AGBL4: variants seen among roughly 807,000 people sequenced by gnomAD.
The protein encoded by AGBL4 is cytosolic carboxypeptidase 6.
In AGBL4, 58 loss-of-function variants were observed where a neutral mutation model predicts 66.4. The ratio of observed to expected loss-of-function variants is 0.87; its 90% CI spans 0.71 to 1.09. The LOEUF is 1.09. AGBL4 is among the 50% of genes least tolerant of loss of function. The probability of loss-of-function intolerance (pLI) is 0.00; values close to 1 mark genes in which losing one functional copy is unlikely to be tolerated. For synonymous variants in AGBL4, 234 were observed against 222.9 expected (o/e 1.05, Z -0.44); for missense variants, 579 against 631.0 (o/e 0.92, Z 0.88).
chr1:49,533,264 A>G (rs565776081), intron 3 of AGBL4, among the ~76,000 whole-genome samples: 34 of 152,204 alleles, frequency 2.2e-4, no homozygotes, highest in African/African-American at 8.2e-4. Flanking sequence ...GACTTCCACT[A>G]TGCCCTCTGA....
At chr1:48,795,571 A>C (rs548808021) in intron 6 of AGBL4, among the ~76,000 whole-genome samples, 1 of 152,354 alleles carries the variant, frequency 6.6e-6, no homozygotes, top group South Asian at 2.1e-4. Flanking sequence ...CAGAAAGTTG[A>C]CATTGTTATA....
chr1:49,923,258 AG>A (rs1283598189), intron 1 of AGBL4, among the ~76,000 whole-genome samples: 1 of 152,240 alleles, frequency 6.6e-6, no homozygotes, highest in East Asian at 1.9e-4. Context: ...ATAACTGGTT[AG>A]CCATATGCAG....
chr1:49,215,701 G>T (rs2148265593), intron 4 of AGBL4, among the ~76,000 whole-genome samples: 1 of 152,106 alleles, frequency 6.6e-6, no homozygotes, highest in East Asian at 1.9e-4. Flanking sequence ...AATATGCTGG[G>T]TTACAATTCC....
chr1:49,634,748 T>G (rs1404592848), intron 3 of AGBL4, among the ~76,000 whole-genome samples: 1 of 152,312 alleles, frequency 6.6e-6, no homozygotes, highest in Non-Finnish European at 1.5e-5. Flanking sequence ...TTTTTAATGA[T>G]TGCCATTCTA....
intron 7 of AGBL4, among the ~76,000 whole-genome samples, chr1:48,661,252 G>C (rs1344169089): frequency 1.3e-5 from 2 of 152,210 alleles, no homozygotes; most frequent in African/African-American, 2.4e-5. Context: ...GTGGGCCAGG[G>C]AGGCCCACAG....
At chr1:49,492,076 CTTG>C (rs1311600429) in intron 3 of AGBL4, among the ~76,000 whole-genome samples, 1 of 151,856 alleles carries the variant, frequency 6.6e-6, no homozygotes, top group African/African-American at 2.4e-5. Flanking sequence ...TCTCACATTT[CTTG>C]TTATGATGTG....
chr1:48,524,508 C>T, the AGBL4 span, among the ~76,000 whole-genome samples: 1 of 152,134 alleles, frequency 6.6e-6, no homozygotes, highest in Non-Finnish European at 1.5e-5. Flanking sequence ...GCCCTGACAT[C>T]GTGCTGAGCA....
chr1:49,740,848 C>A (rs1455009874), intron 2 of AGBL4, among the ~76,000 whole-genome samples: 1 of 152,132 alleles, frequency 6.6e-6, no homozygotes, highest in Non-Finnish European at 1.5e-5. Context: ...TTCTTTGAAA[C>A]CAATGAGAAC....
intron 3 of AGBL4, among the ~76,000 whole-genome samples, chr1:49,514,485 C>A (rs1649581576): frequency 6.6e-6 from 1 of 151,898 alleles, no homozygotes; most frequent in Non-Finnish European, 1.5e-5. Flanking sequence ...AGATTCAATG[C>A]CATCCCCATC....
intron 6 of AGBL4, among the ~76,000 whole-genome samples, chr1:48,744,235 G>A (rs1486744280): frequency 6.6e-6 from 1 of 152,212 alleles, no homozygotes; most frequent in African/African-American, 2.4e-5. Context: ...CCCAGCACCT[G>A]GGGCTGAGTA....
rs557962840 is a variant in AGBL4, at chr1:49,482,512, C to A, written c.282+214801G>T. ...CATTTTTAATTGTTTTTATATAAAT[C>A]TTCTCCCTTTTCTTCTTTATTAGTC... On this transcript the variant is annotated intron_variant, in intron 3 of 13. Transcript: ENST00000371839. Among the ~76,000 whole-genome samples, 162 of 151,450 alleles carry A rather than the reference C, an allele frequency of 1.1e-3. 1 individual carries two copies. Among genetic ancestry groups the A allele is most frequent in the Non-Finnish European group, 1.8e-3 (123 of 67,834 alleles).
chr1:49,224,616 C>CAAA (rs377573639), intron 4 of AGBL4, among the ~76,000 whole-genome samples: 20 of 74,654 alleles, frequency 2.7e-4, no homozygotes, highest in East Asian at 1.3e-3. Flanking sequence ...GACTCCCTCT[C>CAAA]AAAAAAAAAA....
chr1:49,123,118 G>T (rs888270930), intron 4 of AGBL4, among the ~76,000 whole-genome samples: 2 of 152,198 alleles, frequency 1.3e-5, no homozygotes, highest in East Asian at 3.9e-4. Flanking sequence ...CTCCCAAAGC[G>T]CTAGGATTAC....
intron 2 of AGBL4, among the ~76,000 whole-genome samples, chr1:49,847,664 A>G (rs1342598562): frequency 6.6e-6 from 1 of 152,160 alleles, no homozygotes; most frequent in Non-Finnish European, 1.5e-5. Flanking sequence ...ACATGAATAA[A>G]TATTTTTTAA....
chr1:49,604,774 C>A (rs1645033403), intron 3 of AGBL4, among the ~76,000 whole-genome samples: 1 of 152,022 alleles, frequency 6.6e-6, no homozygotes. Context: ...CCTCTGTTTA[C>A]TTTTATTATC....
chr1:49,456,748 C>T (rs1436671975), intron 3 of AGBL4, among the ~76,000 whole-genome samples: 5 of 151,490 alleles, frequency 3.3e-5, no homozygotes, highest in African/African-American at 1.2e-4. Context: ...CTCTGAGCCC[C>T]GAAGTCCATT....
At chr1:48,548,282 C>T (rs1278711934) in intron 11 of AGBL4, among the ~76,000 whole-genome samples, 2 of 151,824 alleles carry the variant, frequency 1.3e-5, no homozygotes, top group Non-Finnish European at 2.9e-5. Context: ...AGAGAGGCTT[C>T]CTTGAGAAGG....
At chr1:49,119,493 T>A (rs548024848) in intron 4 of AGBL4, among the ~76,000 whole-genome samples, 1 of 152,206 alleles carries the variant, frequency 6.6e-6, no homozygotes, top group Non-Finnish European at 1.5e-5. Flanking sequence ...TCAGTTTCCA[T>A]GTAGTTGTGT....
chr1:49,391,158 G>T (rs1644837533), intron 3 of AGBL4, among the ~76,000 whole-genome samples: 1 of 152,200 alleles, frequency 6.6e-6, no homozygotes, highest in Admixed American at 6.5e-5. Flanking sequence ...CACAGTTGTA[G>T]CATACAATCA....
Sources: gnomAD v4.1 joint callset for allele counts (sites outside exome capture counted in the v4.1 genomes callset) on GRCh38, gnomAD v4.1.1 for gene constraint, MANE v1.5 for transcripts, NCBI Gene and HGNC (gene_info 2026-07-23, HGNC 2026-07-21) for gene names.